Variants in ESRRG observed in about 807,000 individuals in gnomAD.
ESRRG encodes estrogen related receptor gamma.
ESRRG carries 13 observed loss-of-function variants against 44.0 expected under a neutral mutation model. The observed-to-expected ratio is 0.30, with a 90% CI of 0.19 to 0.47. ESRRG has a LOEUF of 0.47. ESRRG is among the 20% of genes least tolerant of loss of function. ESRRG has a pLI of 1.00. For synonymous variants in ESRRG, 215 were observed against 214.6 expected (o/e 1.00, Z -0.02); for missense variants, 395 against 580.6 (o/e 0.68, Z 3.29).
chr1:217,057,420 G>C (rs1452140358), intron 1 of ESRRG, among the ~76,000 whole-genome samples: 3 of 152,090 alleles, frequency 2.0e-5, no homozygotes, highest in Non-Finnish European at 4.4e-5. Context: ...AGAATAAGGA[G>C]CAGAATAGCA....
At chr1:217,089,138 C>G (rs2092273589) in intron 1 of ESRRG, among the ~76,000 whole-genome samples, 1 of 152,092 alleles carries the variant, frequency 6.6e-6, no homozygotes, top group African/African-American at 2.4e-5. Flanking sequence ...CTAACCCCTC[C>G]CCTCCCAGCG....
intron 3 of ESRRG, among the ~76,000 whole-genome samples, chr1:216,578,037 T>C (rs2062013744): frequency 6.6e-6 from 1 of 152,052 alleles, no homozygotes; most frequent in African/African-American, 2.4e-5. Flanking sequence ...AAGAGAGGCA[T>C]GATGTTTGAT....
intron 3 of ESRRG, among the ~76,000 whole-genome samples, chr1:216,576,681 C>G (rs2061739546): frequency 6.6e-6 from 1 of 151,966 alleles, no homozygotes; most frequent in Non-Finnish European, 1.5e-5. Context: ...TTATAATCTG[C>G]ACTGGAGCTG....
intron 2 of ESRRG, among the ~76,000 whole-genome samples, chr1:216,856,097 C>T (rs1299387483): frequency 5.9e-5 from 9 of 151,636 alleles, no homozygotes; most frequent in South Asian, 2.1e-4. Flanking sequence ...GCAAAGTATT[C>T]GATTATCTCC....
At chr1:217,133,940 A>T (rs7355081) in intron 1 of ESRRG, among the ~76,000 whole-genome samples, 2,727 of 152,172 alleles carry the variant, frequency 0.018, 90 homozygotes, top group African/African-American at 0.062. Flanking sequence ...TCTGCCTATG[A>T]AGATGTACTA....
chr1:216,793,959 ATT>A (rs34752392), intron 2 of ESRRG, among the ~76,000 whole-genome samples: 32,536 of 143,882 alleles, frequency 0.23, 4,187 homozygotes, highest in East Asian at 0.43. Flanking sequence ...TTAACTAAGG[ATT>A]TTTTTTTTTT....
chr1:216,649,028 A>G (rs1340757869), intron 3 of ESRRG, among the ~76,000 whole-genome samples: 1 of 152,168 alleles, frequency 6.6e-6, no homozygotes, highest in Non-Finnish European at 1.5e-5. Flanking sequence ...GCAATGGCTA[A>G]GATAAAGAGC....
At chr1:216,962,913 C>A (rs2150195235) in intron 1 of ESRRG, among the ~76,000 whole-genome samples, 1 of 152,268 alleles carries the variant, frequency 6.6e-6, no homozygotes, top group South Asian at 2.1e-4. Context: ...AATATCAGTT[C>A]CTGTGTGCAG....
At chr1:216,891,332 G>C (rs1187789680) in intron 2 of ESRRG, among the ~76,000 whole-genome samples, 1 of 152,146 alleles carries the variant, frequency 6.6e-6, no homozygotes, top group Non-Finnish European at 1.5e-5. Flanking sequence ...AATCAATCCT[G>C]TGGCTGAATC....
At chr1:216,575,129 T>C (rs2061463878) in intron 3 of ESRRG, among the ~76,000 whole-genome samples, 1 of 152,088 alleles carries the variant, frequency 6.6e-6, no homozygotes, top group African/African-American at 2.4e-5. Context: ...TGAGAGAGTG[T>C]ACCAGTTTAA....
chr1:216,928,824 G>A (rs772133876), intron 2 of ESRRG, among the ~76,000 whole-genome samples: 1 of 152,240 alleles, frequency 6.6e-6, no homozygotes, highest in Non-Finnish European at 1.5e-5. Flanking sequence ...GAACCTTGAA[G>A]ACACTACTCT....
Position 216,741,465 on chromosome 1 carries a change from T to TACAC in ESRRG, c.-13-63978_-13-63975dup, listed in dbSNP as rs932154245. On this transcript the variant is annotated intron_variant, in intron 2 of 7. Coordinates refer to the ESRRG transcript ENST00000359162. ...ACACCCCAAAATACCCCCCTACACA[T>TACAC]ACACACACACACATATACCTCTTTT... Among the ~76,000 whole-genome samples, 29 of 113,686 alleles carry TACAC rather than the reference T, an allele frequency of 2.6e-4. 1 individual carries two copies. The highest frequency in any genetic ancestry group is 9.8e-4 in the African/African-American group (29 of 29,578). The allele number at this position is 113,686 out of a possible 152,430, so 74.6% of individuals were successfully genotyped here. A position where few individuals can be genotyped will look rare whatever the true frequency, so the allele number is the denominator to read the frequency against.
At chr1:216,561,715 A>G (rs560426275) in intron 5 of ESRRG, among the ~76,000 whole-genome samples, 1 of 150,050 alleles carries the variant, frequency 6.7e-6, no homozygotes, top group Non-Finnish European at 1.5e-5. Flanking sequence ...TTTTTTTTTT[A>G]AATTTCTGTT....
At chr1:216,547,131 T>C (rs922375473) in intron 5 of ESRRG, among the ~76,000 whole-genome samples, 5 of 152,032 alleles carry the variant, frequency 3.3e-5, no homozygotes, top group African/African-American at 1.2e-4. Context: ...TTCACAGTTA[T>C]AGGAGAGGCC....
intron 1 of ESRRG, among the ~76,000 whole-genome samples, chr1:216,699,119 A>C (rs2820883): frequency 0.81 from 123,640 of 152,146 alleles, 50,510 homozygotes; most frequent in Admixed American, 0.86. Flanking sequence ...TCACATTTAA[A>C]CTATAGAGCT....
intron 1 of ESRRG, among the ~76,000 whole-genome samples, chr1:217,071,256 AC>A (rs1162146693): frequency 2.0e-5 from 3 of 152,210 alleles, no homozygotes; most frequent in Non-Finnish European, 2.9e-5. Context: ...TTGCAAAAAA[AC>A]AAAAAACAAA....
chr1:216,777,102 A>G (rs1021737004), intron 2 of ESRRG, among the ~76,000 whole-genome samples: 5 of 152,180 alleles, frequency 3.3e-5, no homozygotes, highest in Non-Finnish European at 5.9e-5. Flanking sequence ...GGCATAATTC[A>G]CAGATGGGGC....
chr1:216,677,458 G>C lies in ESRRG; in HGVS notation c.90C>G (p.His30Gln). ...LLCRMSNKDR[H>Q]IDSSCSSFIK... The stretch of plus-strand genomic sequence containing the variant: ...TGAAGGACGAACAGCTGGAATCAAT[G>C]TGTCGATCTTTGTTTGACATTCTGC... The change falls in exon 2 of 7, where the codon CAC (histidine) becomes CAG (glutamine). Residue 30 changes from histidine to glutamine, a missense_variant. This residue lies in a region of ESRRG where 148 missense variants were observed against 150.4 expected (regional missense o/e 0.98). Coordinates refer to ENST00000408911, the MANE Select transcript of ESRRG (RefSeq NM_001438.4). The C allele has an allele frequency of 6.2e-7, 1 of 1,612,956 alleles. No homozygotes were observed.
chr1:217,050,760 C>G (rs950446363), intron 1 of ESRRG, among the ~76,000 whole-genome samples: 1 of 152,122 alleles, frequency 6.6e-6, no homozygotes, highest in African/African-American at 2.4e-5. Context: ...CAGATAGACT[C>G]TCACCAAAAT....
Sources: gnomAD v4.1 joint callset for allele counts (sites outside exome capture counted in the v4.1 genomes callset) on GRCh38, gnomAD v4.1.1 for gene constraint, gnomAD v4.1.1 regional missense constraint, MANE v1.5 for transcripts, NCBI Gene and HGNC (gene_info 2026-07-23, HGNC 2026-07-21) for gene names.